Variants in PRPF6 observed in about 807,000 individuals in gnomAD.
PRPF6 encodes the protein pre-mRNA processing factor 6.
In PRPF6, 42 loss-of-function variants were observed where a neutral mutation model predicts 118.3. The ratio of observed to expected loss-of-function variants is 0.35; its 90% confidence interval spans 0.28 to 0.46. The LOEUF (loss-of-function observed/expected upper bound fraction) is 0.46. Among genes scored for constraint, PRPF6 ranks in the 20% least tolerant of loss-of-function variants. PRPF6 has a pLI of 1.00. For missense variants in PRPF6, 662 were observed against 1,255.7 expected (o/e 0.53, Z 7.15); for synonymous variants, 481 against 485.1 (o/e 0.99, Z 0.11).
chr20:63,991,130 TA>T (rs1264046663), intron 3 of PRPF6, among the ~76,000 whole-genome samples: 1 of 151,680 alleles, frequency 6.6e-6, no homozygotes, highest in Admixed American at 6.6e-5. Context: ...TAATGCATTT[TA>T]AAAAACATCA....
At chr20:63,995,239 C>T in intron 5 of PRPF6, 88 bp from the exon 6 acceptor site, 1 of 1,572,406 alleles carries the variant, frequency 6.4e-7, no homozygotes, top group Admixed American at 1.8e-5. Flanking sequence ...TATGTCAGGC[C>T]ACTGGGGAAG....
Position 64,032,018 on chromosome 20 carries a change from A to T in PRPF6, c.2647A>T (p.Lys883Ter). 1 of 1,614,072 alleles carries T rather than the reference A, an allele frequency of 6.2e-7. No individual in the cohort carries two copies. ...DLGDAWAFFY[K>*]FELQHGTEEQ... The stretch of plus-strand genomic sequence containing the variant: ...GGGGGATGCCTGGGCCTTCTTCTAC[A>T]AGTTTGAGCTGCAGCATGGCACTGA... The change falls in exon 20 of 21, where the codon AAG becomes TAG. Residue 883 changes from lysine to a stop codon, truncating the protein, a stop_gained. Transcript: ENST00000266079. LOFTEE classifies it high-confidence loss of function.
intron 2 of PRPF6, among the ~76,000 whole-genome samples, chr20:63,983,974 C>G (rs1248087611): frequency 6.6e-6 from 1 of 152,098 alleles, no homozygotes; most frequent in African/African-American, 2.4e-5. Context: ...ATGATAAAAA[C>G]TTAAAGTGGA....
At chr20:64,004,326 C>T (rs1264144245) in intron 9 of PRPF6, among the ~76,000 whole-genome samples, 2 of 152,244 alleles carry the variant, frequency 1.3e-5, no homozygotes, top group Non-Finnish European at 2.9e-5. Context: ...TGGCCTTTGC[C>T]GCTGCCCTAA....
Position 63,990,649 on chromosome 20 carries a change from CT to C in PRPF6, c.360-2745del, listed in dbSNP as rs565993288. On this transcript the variant is annotated intron_variant, in intron 3 of 20. Coordinates refer to ENST00000266079, the MANE Select transcript of PRPF6 (RefSeq NM_012469.4). Reference sequence around the variant, plus strand: ...CACACCCAGCTAATTTTTCTTTTTTCTTTTTTTTTTTTTGAGATGGAGTCTC... The same window carrying C: ...CACACCCAGCTAATTTTTCTTTTTTCTTTTTTTTTTTTGAGATGGAGTCTC... Among the ~76,000 whole-genome samples, 614 of 140,716 alleles carry C rather than the reference CT, an allele frequency of 4.4e-3. 3 individuals are homozygous for C. The highest frequency in any genetic ancestry group is 0.01 in the African/African-American group (391 of 37,990). The allele number at this position is 140,716 out of a possible 152,430, so 92.3% of individuals were successfully genotyped here.
At chr20:64,010,873 A>G (rs947278343) in intron 10 of PRPF6, among the ~76,000 whole-genome samples, 3 of 152,234 alleles carry the variant, frequency 2.0e-5, no homozygotes, top group African/African-American at 7.2e-5. Flanking sequence ...AAATGAATAA[A>G]GCCCGTACAC....
At chr20:64,001,705 C>T (rs2059167118) in intron 9 of PRPF6, among the ~76,000 whole-genome samples, 3 of 152,340 alleles carry the variant, frequency 2.0e-5, no homozygotes, top group East Asian at 1.9e-4. Flanking sequence ...CTGCTGCTGA[C>T]GAGGCTGTGC....
intron 9 of PRPF6, among the ~76,000 whole-genome samples, chr20:64,006,111 C>T (rs998867615): frequency 2.0e-5 from 3 of 152,094 alleles, no homozygotes; most frequent in Non-Finnish European, 2.9e-5. Flanking sequence ...TTCCCATTAA[C>T]TTTTACTGGT....
rs141646497 is a variant in PRPF6, at chr20:63,995,329, A to G, written c.618A>G (p.Gln206=). ...NHTSVDPRQT[Q]FGGLNTPYPG... ...GCCTTTCCTCTCTTCCCCTCCAGCAATTTGGAGGTCTTAACACACCCTATC... is the reference window on the plus strand; with the variant it reads ...GCCTTTCCTCTCTTCCCCTCCAGCAGTTTGGAGGTCTTAACACACCCTATC... The change falls in exon 6 of 21, where the codon CAA becomes CAG. Residue 206 remains glutamine, a splice_region_variant and synonymous_variant. Transcript: ENST00000266079. The G allele has an allele frequency of 2.5e-6, 4 of 1,611,272 alleles. No individual in the cohort carries two copies. Among genetic ancestry groups the G allele is most frequent in the Non-Finnish European group, 3.4e-6 (4 of 1,178,736 alleles).
rs541429002 is a variant in PRPF6, at chr20:64,027,404, C to A, written c.2206-199C>A. On this transcript the variant is annotated intron_variant, in intron 16 of 20. Coordinates refer to ENST00000266079, the MANE Select transcript of PRPF6 (RefSeq NM_012469.4). The surrounding 1 kb of genome is among the most constrained non-coding windows in gnomAD (Gnocchi z 6.5). ...GGCACACCTGCAGTAAAGGCTGGTA[C>A]GTACAGACCTGTGTGCACAGGTCCA... Among the ~76,000 whole-genome samples the A allele has an allele frequency of 6.6e-6, 1 of 152,148 alleles. No homozygotes were observed. The highest frequency in any genetic ancestry group is 6.5e-5 in the Admixed American group (1 of 15,274).
intron 13 of PRPF6, among the ~76,000 whole-genome samples, chr20:64,023,638 G>C (rs1271255425): frequency 6.6e-6 from 1 of 152,138 alleles, no homozygotes; most frequent in African/African-American, 2.4e-5. Flanking sequence ...TGAAGACCTG[G>C]CCCCCTCCCC....
chr20:64,014,425 C>A (rs963491639), intron 11 of PRPF6, among the ~76,000 whole-genome samples: 4 of 151,236 alleles, frequency 2.6e-5, no homozygotes, highest in African/African-American at 7.3e-5. Context: ...GGGGCTGAGG[C>A]GGGTGGATCA....
chr20:64,007,186 C>G (rs574620030), intron 9 of PRPF6, among the ~76,000 whole-genome samples: 1 of 152,236 alleles, frequency 6.6e-6, no homozygotes, highest in Non-Finnish European at 1.5e-5. Flanking sequence ...GCCACTGCTG[C>G]ATCTGCCCAA....
chr20:63,999,191 G>A (rs2059154622), intron 7 of PRPF6, 52 bp downstream of exon 7: 3 of 1,504,534 alleles, frequency 2.0e-6, no homozygotes, highest in African/African-American at 1.4e-5. Flanking sequence ...AGTTGCCTAG[G>A]GTATTTTGGA....
chr20:64,009,273 C>T (rs1412857877), intron 9 of PRPF6, among the ~76,000 whole-genome samples: 1 of 122,660 alleles, frequency 8.2e-6, no homozygotes, highest in Non-Finnish European at 1.6e-5. Flanking sequence ...GAGCGAGACT[C>T]CATCGCAAAA....
At position 63,983,095 on chromosome 20, in the gene PRPF6, A is replaced by C; in HGVS notation, c.120A>C (p.Ala40=). 6.2e-7 allele frequency: 1 copy of C among 1,614,236 alleles called. No individual in the cohort carries two copies. The highest frequency in any genetic ancestry group is 8.5e-7 in the Non-Finnish European group (1 of 1,180,052). Residue 40 remains alanine (A), a synonymous_variant, in exon 2 of 21, where the codon GCA becomes GCC. Coordinates refer to ENST00000266079, the MANE Select transcript of PRPF6 (RefSeq NM_012469.4). ...TRSDIGPARD[A]NDPVDDRHAP... Reference sequence around the variant, plus strand: ...CAGACATTGGGCCCGCCCGTGATGCAAATGACCCTGTGGATGATCGCCATG... The same window carrying C: ...CAGACATTGGGCCCGCCCGTGATGCCAATGACCCTGTGGATGATCGCCATG...
chr20:63,983,887 A>G (rs2059082294), intron 2 of PRPF6, among the ~76,000 whole-genome samples: 1 of 152,146 alleles, frequency 6.6e-6, no homozygotes, highest in Non-Finnish European at 1.5e-5. Flanking sequence ...TCCTGACTTC[A>G]GGTTGTCCGC....
rs1297359187 is a variant in PRPF6 at position 63,994,849 on chromosome 20, A to C, written c.439-67A>C. On this transcript the variant is annotated intron_variant, in intron 4 of 20. Transcript: ENST00000266079. ...CTGGAGGCTAGGGGTGAGAGAGGGC[A>C]TGGTCCTACCTGGGCACATGAAATT... The C allele has an allele frequency of 1.2e-5, 19 of 1,602,966 alleles. No homozygotes were observed. In the South Asian group the frequency reaches 2.1e-4, roughly 18 times the overall value.
intron 12 of PRPF6, among the ~76,000 whole-genome samples, chr20:64,021,013 C>T (rs550300848): frequency 1.3e-5 from 2 of 152,370 alleles, no homozygotes; most frequent in South Asian, 4.1e-4. Context: ...TCTCAAACTC[C>T]TGACTTCAGG....
Sources: allele counts gnomAD v4.1 joint callset (sites outside exome capture counted in the v4.1 genomes callset), GRCh38; gene constraint gnomAD v4.1.1; non-coding constraint Gnocchi (gnomAD v3.1); transcripts MANE v1.5; gene names NCBI Gene and HGNC (gene_info 2026-07-23, HGNC 2026-07-21).